The following SPIDR variants were observed in gnomAD, a reference collection of about 807,000 sequenced individuals.
The protein encoded by SPIDR is scaffold protein involved in DNA repair.
In SPIDR, 93 loss-of-function variants were observed where a neutral mutation model predicts 104.6. The observed-to-expected ratio is 0.89, with a 90% CI of 0.75 to 1.06. SPIDR has a LOEUF of 1.06. Ranked by LOEUF, SPIDR falls within the 50% of genes least tolerant of loss-of-function variation. The probability of loss-of-function intolerance (pLI) is 0.00; values close to 1 mark genes in which losing one functional copy is unlikely to be tolerated. For missense variants in SPIDR, 1,154 were observed against 1,111.2 expected (o/e 1.04, Z -0.55); for synonymous variants, 431 against 416.9 (o/e 1.03, Z -0.41).
intron 10 of SPIDR, among the ~76,000 whole-genome samples, chr8:47,630,576 A>G (rs2066907254): frequency 6.6e-6 from 1 of 152,216 alleles, no homozygotes; most frequent in Non-Finnish European, 1.5e-5. Flanking sequence ...TCCACATAAC[A>G]GATGCAGTTC....
chr8:47,692,153 TA>T (rs2078741763), intron 11 of SPIDR, among the ~76,000 whole-genome samples: 2 of 152,262 alleles, frequency 1.3e-5, no homozygotes, highest in South Asian at 4.1e-4. Context: ...TGACACTTTT[TA>T]AGTAATAGCT....
intron 6 of SPIDR, among the ~76,000 whole-genome samples, chr8:47,401,882 A>G (rs1554663234): frequency 1.3e-5 from 2 of 152,216 alleles, no homozygotes; most frequent in African/African-American, 4.8e-5. Context: ...CACAGTAATA[A>G]TGGGAGACTT....
At chr8:47,284,599 C>T (rs2038451719) in intron 3 of SPIDR, among the ~76,000 whole-genome samples, 1 of 152,186 alleles carries the variant, frequency 6.6e-6, no homozygotes, top group Admixed American at 6.6e-5. Context: ...AGGACATCCA[C>T]AGGGCTAGAT....
At chr8:47,355,565 A>G (rs1482676174) in intron 5 of SPIDR, among the ~76,000 whole-genome samples, 1 of 152,198 alleles carries the variant, frequency 6.6e-6, no homozygotes, top group Admixed American at 6.5e-5. Flanking sequence ...CAAATAAATC[A>G]CAAGCATATG....
chr8:47,515,598 G>A (rs1478097889), intron 8 of SPIDR, among the ~76,000 whole-genome samples: 1 of 152,158 alleles, frequency 6.6e-6, no homozygotes, highest in Non-Finnish European at 1.5e-5. Flanking sequence ...CTCTATAATA[G>A]CACTTACAGG....
chr8:47,718,765 C>CT (rs908877546), intron 16 of SPIDR, among the ~76,000 whole-genome samples: 14 of 151,448 alleles, frequency 9.2e-5, no homozygotes, highest in Admixed American at 5.9e-4. Flanking sequence ...TGGCAGGATT[C>CT]TTTTTTTTTC....
At chr8:47,485,211 G>T (rs1165904535) in intron 8 of SPIDR, among the ~76,000 whole-genome samples, 2 of 152,242 alleles carry the variant, frequency 1.3e-5, no homozygotes, top group Non-Finnish European at 1.5e-5. Flanking sequence ...TCCCGTGCAA[G>T]GCTCGGAGGG....
chr8:47,583,222 C>G (rs1000818534), intron 8 of SPIDR, among the ~76,000 whole-genome samples: 4 of 149,434 alleles, frequency 2.7e-5, no homozygotes, highest in Non-Finnish European at 4.4e-5. Context: ...AGGAGAATTG[C>G]GTGAACCCAG....
chr8:47,453,457 C>T (rs946520789), intron 8 of SPIDR, among the ~76,000 whole-genome samples: 6 of 152,180 alleles, frequency 3.9e-5, no homozygotes, highest in African/African-American at 1.4e-4. Flanking sequence ...CGCTGCCTGA[C>T]TTCAAACTAT....
At chr8:47,273,466 G>C (rs1334551323) in intron 1 of SPIDR, among the ~76,000 whole-genome samples, 1 of 152,214 alleles carries the variant, frequency 6.6e-6, no homozygotes, top group Non-Finnish European at 1.5e-5. Context: ...ACATGAACAG[G>C]TTGAGGGCAG....
At chr8:47,388,740 T>C (rs549839512) in intron 5 of SPIDR, among the ~76,000 whole-genome samples, 17 of 152,352 alleles carry the variant, frequency 1.1e-4, no homozygotes, top group Admixed American at 3.3e-4. Flanking sequence ...GTTGAAGGGT[T>C]TCCTTCTGTG....
chr8:47,334,098 C>G (rs1298654694), intron 5 of SPIDR, among the ~76,000 whole-genome samples: 1 of 152,062 alleles, frequency 6.6e-6, no homozygotes, highest in Non-Finnish European at 1.5e-5. Context: ...TTCCATGTAT[C>G]TTTCTGTTAA....
intron 8 of SPIDR, among the ~76,000 whole-genome samples, chr8:47,561,808 A>G (rs1032545043): frequency 3.3e-5 from 5 of 152,234 alleles, no homozygotes; most frequent in Non-Finnish European, 1.5e-5. Flanking sequence ...AGCCTTGTAT[A>G]ACATGTACGG....
intron 10 of SPIDR, among the ~76,000 whole-genome samples, chr8:47,651,745 T>A (rs763622904): frequency 6.6e-6 from 1 of 152,124 alleles, no homozygotes; most frequent in Non-Finnish European, 1.5e-5. Context: ...AAAATCACTA[T>A]ACACACCATG....
At position 47,279,889 on chromosome 8, in the gene SPIDR, C is replaced by A; in HGVS notation, c.61C>A (p.Pro21Thr). The A allele has an allele frequency of 1.2e-6, 2 of 1,613,492 alleles. No individual in the cohort carries two copies. Among genetic ancestry groups the A allele is most frequent in the Admixed American group, 3.3e-5 (2 of 59,922 alleles). ...KRKRSWNTEC[P>T]SFPGERPLQV... ...AAAAAGGAGTTGGAATACAGAATGCCCATCCTTTCCAGGAGAAAGACCACT... is the reference window on the plus strand; with the variant it reads ...AAAAAGGAGTTGGAATACAGAATGCACATCCTTTCCAGGAGAAAGACCACT... The change falls in exon 2 of 20, where the codon CCA (proline) becomes ACA (threonine). Residue 21 changes from proline (P) to threonine (T), a missense_variant. By Grantham distance (38) the Pro-to-Thr change is conservative. Coordinates refer to ENST00000297423, the MANE Select transcript of SPIDR (RefSeq NM_001080394.4).
chr8:47,635,480 A>G (rs1370355121), intron 10 of SPIDR, among the ~76,000 whole-genome samples: 1 of 152,200 alleles, frequency 6.6e-6, no homozygotes, highest in Non-Finnish European at 1.5e-5. Flanking sequence ...TTGTACCCCC[A>G]TAAATATATA....
chr8:47,408,032 A>G (rs1391264828), intron 7 of SPIDR, 71 bp downstream of exon 7: 7 of 796,152 alleles, frequency 8.8e-6, no homozygotes, highest in Non-Finnish European at 1.2e-5. Context: ...TTACATTAAA[A>G]TATATGAAGT....
chr8:47,628,189 C>T (rs1303141547), intron 10 of SPIDR, among the ~76,000 whole-genome samples: 1 of 152,166 alleles, frequency 6.6e-6, no homozygotes, highest in Non-Finnish European at 1.5e-5. Context: ...TGAGATAATG[C>T]TTTTAAAGAA....
chr8:47,529,993 A>G (rs2085675988), intron 8 of SPIDR, among the ~76,000 whole-genome samples: 1 of 152,188 alleles, frequency 6.6e-6, no homozygotes, highest in Admixed American at 6.5e-5. Context: ...TGAGAAATGC[A>G]TTATTAGGTG....
Sources: gnomAD v4.1 joint callset for allele counts (sites outside exome capture counted in the v4.1 genomes callset) on GRCh38, gnomAD v4.1.1 for gene constraint, MANE v1.5 for transcripts, NCBI Gene and HGNC (gene_info 2026-07-23, HGNC 2026-07-21) for gene names.